TMPRSS15: variants seen among roughly 807,000 people sequenced by gnomAD.
The protein encoded by TMPRSS15 is enteropeptidase.
In TMPRSS15, 128 loss-of-function variants were observed where a neutral mutation model predicts 125.3. The observed-to-expected ratio is 1.02, with a 90% CI of 0.89 to 1.18. The LOEUF (loss-of-function observed/expected upper bound fraction) is 1.18. TMPRSS15 is among the 50% of genes most tolerant of loss of function. The pLI, the probability that TMPRSS15 is intolerant of heterozygous loss-of-function variation, is 0.00. For synonymous variants in TMPRSS15, 446 were observed against 423.2 expected (o/e 1.05, Z -0.66); for missense variants, 1,283 against 1,212.7 (o/e 1.06, Z -0.86).
intron 1 of TMPRSS15, among the ~76,000 whole-genome samples, chr21:18,442,515 C>T (rs1805847867): frequency 6.6e-6 from 1 of 152,072 alleles, no homozygotes; most frequent in African/African-American, 2.4e-5. Flanking sequence ...TCAAAGTAAT[C>T]AATGCTAGGT....
chr21:18,286,923 T>G (rs2074771563), intron 21 of TMPRSS15, among the ~76,000 whole-genome samples: 1 of 152,170 alleles, frequency 6.6e-6, no homozygotes, highest in African/African-American at 2.4e-5. Flanking sequence ...AGCATCAGAG[T>G]TTGCTGTTAC....
intron 5 of TMPRSS15, among the ~76,000 whole-genome samples, chr21:18,377,719 G>A (rs1489676029): frequency 1.3e-5 from 2 of 152,062 alleles, no homozygotes; most frequent in East Asian, 3.8e-4. Flanking sequence ...TAATGTGAAA[G>A]ACAGGGCTAA....
intron 12 of TMPRSS15, 56 bp downstream of exon 12, chr21:18,343,450 A>G: frequency 6.9e-7 from 1 of 1,455,824 alleles, no homozygotes; most frequent in South Asian, 1.2e-5. Flanking sequence ...CATTCTAAAT[A>G]TAATTGTTCC....
intron 16 of TMPRSS15, among the ~76,000 whole-genome samples, chr21:18,325,544 A>C (rs1175593507): frequency 6.6e-6 from 1 of 152,062 alleles, no homozygotes; most frequent in Non-Finnish European, 1.5e-5. Flanking sequence ...ATGAAGATGA[A>C]CTATCCAACC....
chr21:18,275,583 G>A (rs976150375), intron 23 of TMPRSS15, among the ~76,000 whole-genome samples: 5 of 152,218 alleles, frequency 3.3e-5, no homozygotes, highest in African/African-American at 1.2e-4. Flanking sequence ...CGATGGATTA[G>A]ACTAGATGGT....
chr21:18,445,877 C>G (rs1052255678), intron 1 of TMPRSS15, among the ~76,000 whole-genome samples: 29 of 152,144 alleles, frequency 1.9e-4, no homozygotes, highest in African/African-American at 2.2e-4. Flanking sequence ...TATTGAAAGC[C>G]TTTTCTCTAA....
chr21:18,411,818 G>A (rs8132893), intron 1 of TMPRSS15, among the ~76,000 whole-genome samples: 14,970 of 152,152 alleles, frequency 0.098, 1,478 homozygotes, highest in African/African-American at 0.25. Flanking sequence ...ACTTTTGAAT[G>A]AAAGGCATTA....
intron 1 of TMPRSS15, among the ~76,000 whole-genome samples, chr21:18,455,170 G>C (rs1052999857): frequency 6.6e-6 from 1 of 152,064 alleles, no homozygotes; most frequent in African/African-American, 2.4e-5. Context: ...CACCATGATT[G>C]TAAGTTTCAT....
chr21:18,397,249 A>C (rs369624219), intron 3 of TMPRSS15, among the ~76,000 whole-genome samples: 3 of 152,166 alleles, frequency 2.0e-5, no homozygotes. Flanking sequence ...ACTCTCCTTC[A>C]TGATACAACA....
At chr21:18,384,347 AC>A (rs1018910701) in intron 3 of TMPRSS15, among the ~76,000 whole-genome samples, 7 of 152,164 alleles carry the variant, frequency 4.6e-5, no homozygotes, top group African/African-American at 1.7e-4. Flanking sequence ...TAGAAAGAAA[AC>A]AAGGGTATCT....
intron 1 of TMPRSS15, among the ~76,000 whole-genome samples, chr21:18,454,898 G>A (rs188224751): frequency 7.9e-5 from 12 of 152,078 alleles, no homozygotes; most frequent in Non-Finnish European, 1.6e-4. Flanking sequence ...AAGTCAAGTT[G>A]ACACACAAAT....
intron 18 of TMPRSS15, among the ~76,000 whole-genome samples, chr21:18,298,184 G>A (rs765297038): frequency 2.6e-5 from 4 of 152,064 alleles, no homozygotes; most frequent in East Asian, 1.9e-4. Context: ...CATAAAAACC[G>A]CTTTGAATGA....
In TMPRSS15 at chr21:18,281,213, AAG is replaced by A; in HGVS notation, c.2493_2494del (p.Leu832ArgfsTer29). The stretch of plus-strand genomic sequence containing the variant: ...GATTGCTGTCCACTTGGATGGCTCT[AAG>A]TTTCTCCTGAAAATTGTAATGAAGA... On this transcript the variant is annotated frameshift_variant, in exon 22 of 25. Transcript: ENST00000284885. LOFTEE classifies it high-confidence loss of function. 2 of 1,613,956 alleles carry A rather than the reference AAG, an allele frequency of 1.2e-6. No individual in the cohort carries two copies. Among genetic ancestry groups the A allele is most frequent in the South Asian group, 2.2e-5 (2 of 91,080 alleles).
At chr21:18,278,709 G>A (rs1019652360) in intron 23 of TMPRSS15, among the ~76,000 whole-genome samples, 1 of 152,078 alleles carries the variant, frequency 6.6e-6, no homozygotes, top group Non-Finnish European at 1.5e-5. Context: ...GCCACATTGC[G>A]AGACTCCGTC....
At position 18,372,306 on chromosome 21, in the gene TMPRSS15, C is replaced by T. The variant is rs531790255; in HGVS notation, c.551G>A (p.Cys184Tyr). 1 of 1,613,050 alleles carries T rather than the reference C, an allele frequency of 6.2e-7. No individual in the cohort carries two copies. The highest frequency in any genetic ancestry group is 1.3e-5 in the African/African-American group (1 of 74,986). ...LATPGNVSIE[C>Y]LPGSSPCTDA... ...AGTACAAGGACTTGAACCAGGCAGGCACTCTATTGAGACATTTCCTTTAAA... is the reference window on the plus strand; with the variant it reads ...AGTACAAGGACTTGAACCAGGCAGGTACTCTATTGAGACATTTCCTTTAAA... The change falls in exon 6 of 25, where the codon TGC becomes TAC. Residue 184 changes from cysteine to tyrosine, a missense_variant. Physicochemically the swap from Cys to Tyr is radical, Grantham distance 194. Coordinates refer to ENST00000284885, the MANE Select transcript of TMPRSS15 (RefSeq NM_002772.3).
intron 1 of TMPRSS15, among the ~76,000 whole-genome samples, chr21:18,425,500 A>G (rs1017881801): frequency 3.3e-5 from 5 of 152,134 alleles, no homozygotes; most frequent in African/African-American, 1.2e-4. Context: ...CTGTCGGTCA[A>G]TTAAAAACAT....
At chr21:18,360,064 C>T (rs540789241) in intron 7 of TMPRSS15, among the ~76,000 whole-genome samples, 19 of 152,194 alleles carry the variant, frequency 1.2e-4, no homozygotes, top group Non-Finnish European at 2.4e-4. Context: ...TCTTTCAGGA[C>T]TGAAACTCTG....
At chr21:18,279,550 G>A (rs2074667005) in intron 22 of TMPRSS15, among the ~76,000 whole-genome samples, 3 of 150,876 alleles carry the variant, frequency 2.0e-5, no homozygotes, top group South Asian at 4.2e-4. Context: ...TAGCCAGGAT[G>A]GTCTCGATTT....
chr21:18,306,414 A>G (rs1246632156), intron 18 of TMPRSS15, among the ~76,000 whole-genome samples: 1 of 152,182 alleles, frequency 6.6e-6, no homozygotes, highest in African/African-American at 2.4e-5. Flanking sequence ...AAACATTTTA[A>G]TCTCTTCCCC....
Sources: gnomAD v4.1 joint callset for allele counts (sites outside exome capture counted in the v4.1 genomes callset) on GRCh38, gnomAD v4.1.1 for gene constraint, MANE v1.5 for transcripts, NCBI Gene and HGNC (gene_info 2026-07-23, HGNC 2026-07-21) for gene names.